JARID2: variants seen among roughly 807,000 people sequenced by gnomAD.
JARID2 encodes the protein protein Jumonji.
In JARID2, 21 loss-of-function variants were observed where a neutral mutation model predicts 125.6. The ratio of observed to expected loss-of-function variants is 0.17; its 90% CI spans 0.12 to 0.24. JARID2 has a LOEUF of 0.24. Ranked by LOEUF, JARID2 falls within the 10% of genes least tolerant of loss-of-function variation. JARID2 has a pLI of 1.00. For missense variants in JARID2, 1,303 were observed against 1,639.6 expected, an observed-to-expected ratio of 0.79 and a Z score of 3.55; for synonymous variants, 736 against 661.6, an observed-to-expected ratio of 1.11 and a Z score of -1.73.
intron 1 of JARID2, among the ~76,000 whole-genome samples, chr6:15,320,852 C>CTCTCTGTG (rs541608020): frequency 1.4e-5 from 2 of 145,314 alleles, no homozygotes; most frequent in South Asian, 2.2e-4. Flanking sequence ...CTCTCTCTCT[C>CTCTCTGTG]TGTGTGTGTG....
chr6:15,386,821 G>A (rs1764806184), intron 2 of JARID2, among the ~76,000 whole-genome samples: 1 of 152,218 alleles, frequency 6.6e-6, no homozygotes. Context: ...AGTGGCTTAT[G>A]TAGGCACAGT....
At chr6:15,280,258 C>G (rs775549140) in intron 1 of JARID2, among the ~76,000 whole-genome samples, 2 of 152,106 alleles carry the variant, frequency 1.3e-5, no homozygotes, top group African/African-American at 2.4e-5. Context: ...TGTTGGCTCT[C>G]TTTCAGATGT....
chr6:15,454,069 A>G (rs1768042282), intron 4 of JARID2, among the ~76,000 whole-genome samples: 2 of 152,200 alleles, frequency 1.3e-5, no homozygotes, highest in Non-Finnish European at 2.9e-5. Context: ...ATTTCAATTT[A>G]ACACTAAGGG....
At chr6:15,342,665 A>G (rs1016216598) in intron 1 of JARID2, among the ~76,000 whole-genome samples, 2 of 152,246 alleles carry the variant, frequency 1.3e-5, no homozygotes, top group South Asian at 2.1e-4. Flanking sequence ...ATTAAGTTCT[A>G]TTAACTTTTC....
At chr6:15,251,452 A>C (rs969807258) in intron 1 of JARID2, among the ~76,000 whole-genome samples, 1 of 152,196 alleles carries the variant, frequency 6.6e-6, no homozygotes, top group Non-Finnish European at 1.5e-5. Context: ...CCAGGATTAC[A>C]GTAGTAGCAG....
chr6:15,339,061 A>G (rs1762978541), intron 1 of JARID2, among the ~76,000 whole-genome samples: 1 of 152,158 alleles, frequency 6.6e-6, no homozygotes, highest in African/African-American at 2.4e-5. Context: ...GGGGGCAAAC[A>G]TTATCCAACT....
intron 1 of JARID2, among the ~76,000 whole-genome samples, chr6:15,283,909 A>G (rs28505073): frequency 0.038 from 5,700 of 148,970 alleles, 150 homozygotes; most frequent in South Asian, 0.1. Flanking sequence ...GGGTTTCACC[A>G]TGTTAGCCAG....
At chr6:15,368,180 G>A (rs978183041) in intron 1 of JARID2, among the ~76,000 whole-genome samples, 1 of 152,028 alleles carries the variant, frequency 6.6e-6, no homozygotes, top group African/African-American at 2.4e-5. Context: ...AATACAACTT[G>A]GTTATATTAT....
At chr6:15,456,324 T>C (rs1483974080) in intron 4 of JARID2, among the ~76,000 whole-genome samples, 2 of 152,172 alleles carry the variant, frequency 1.3e-5, no homozygotes, top group African/African-American at 4.8e-5. Context: ...CAGAAGAGAA[T>C]CATCTTTTCA....
intron 3 of JARID2, among the ~76,000 whole-genome samples, chr6:15,436,865 A>G (rs1767228542): frequency 6.6e-6 from 1 of 151,806 alleles, no homozygotes; most frequent in African/African-American, 2.4e-5. Context: ...TTCAGTTATA[A>G]TGAGTTCAGT....
At chr6:15,291,745 G>T (rs1023699580) in intron 1 of JARID2, among the ~76,000 whole-genome samples, 1 of 152,168 alleles carries the variant, frequency 6.6e-6, no homozygotes, top group Admixed American at 6.5e-5. Context: ...ATGGAGAAAA[G>T]AAGTTAATCC....
rs184952275 is a variant in JARID2, at chr6:15,407,687, C to G, written c.182-2537C>G. Among the ~76,000 whole-genome samples, 449 of 152,248 alleles carry G rather than the reference C, an allele frequency of 2.9e-3. 1 individual carries two copies. Among genetic ancestry groups the G allele is most frequent in the Non-Finnish European group, 5.3e-3 (363 of 68,018 alleles). ...GTGTTTTTAGGCTTACTGCAAATCCCAACTTTCTTGTTCTTGTTTTGGTAT... is the reference window on the plus strand; with the variant it reads ...GTGTTTTTAGGCTTACTGCAAATCCGAACTTTCTTGTTCTTGTTTTGGTAT... On this transcript the variant is annotated intron_variant, in intron 2 of 17. Coordinates refer to ENST00000341776, the MANE Select transcript of JARID2 (RefSeq NM_004973.4).
At chr6:15,498,387 C>T (rs534279330) in intron 7 of JARID2, among the ~76,000 whole-genome samples, 97 of 152,290 alleles carry the variant, frequency 6.4e-4, no homozygotes, top group Non-Finnish European at 1.1e-3. Context: ...GGCAGATCCT[C>T]CTCTTGGGTT....
In JARID2 at chr6:15,469,260, TTCTCTCTG is replaced by T. The variant is rs1212117801; in HGVS notation, c.670+564_670+571del. Among the ~76,000 whole-genome samples, 329 of 139,610 alleles carry T rather than the reference TTCTCTCTG, an allele frequency of 2.4e-3. 2 individuals carry two copies. The highest frequency in any genetic ancestry group is 3.1e-3 in the Non-Finnish European group (203 of 64,478). The allele number at this position is 139,610 out of a possible 152,430, so 91.6% of individuals were successfully genotyped here. On this transcript the variant is annotated intron_variant, in intron 5 of 17. Transcript: ENST00000341776. ...GCTATAGAAAGTGCCTAGTGGTCTT[TTCTCTCTG>T]TCTCTCTGTCTCTCTGTCTCTGTCT... is the stretch of plus-strand genomic sequence containing the variant.
rs1759178212 is a variant in JARID2, at chr6:15,246,181, G to A, written c.-359G>A. The stretch of plus-strand genomic sequence containing the variant: ...ATGTAACTACGGATCAGACACTAAG[G>A]ACCTTCACGTTTCGCTGATGTAGTT... On this transcript the variant is annotated 5_prime_UTR_variant, in exon 1 of 18. Coordinates refer to ENST00000341776, the MANE Select transcript of JARID2 (RefSeq NM_004973.4). 3 of 462,156 alleles carry A rather than the reference G, an allele frequency of 6.5e-6. No individual in the cohort carries two copies. The East Asian group carries it at 1.0e-4, about 16-fold the overall frequency. 28.6% of individuals were successfully genotyped at this position (462,156 alleles called of 1,614,324 possible).
Position 15,410,169 on chromosome 6 carries a change from G to A in JARID2, c.182-55G>A, listed in dbSNP as rs1165643276. On this transcript the variant is annotated intron_variant, in intron 2 of 17. Coordinates refer to ENST00000341776, the MANE Select transcript of JARID2 (RefSeq NM_004973.4). ...GTTGTGTAGGGTTAACTGTGGTAAAGTGCTGCCTCCTGATGTGATGTATTT... is the reference window on the plus strand; with the variant it reads ...GTTGTGTAGGGTTAACTGTGGTAAAATGCTGCCTCCTGATGTGATGTATTT... 3.9e-6 allele frequency: 6 copies of A among 1,546,282 alleles called. No homozygotes were observed. In the African/African-American group the frequency reaches 4.1e-5, roughly 11 times the overall value.
At position 15,286,321 on chromosome 6, in the gene JARID2, C is replaced by T. The variant is rs542953496; in HGVS notation, c.45+39737C>T. Among the ~76,000 whole-genome samples, 57 of 148,072 alleles carry T rather than the reference C, an allele frequency of 3.8e-4. 1 individual carries two copies. The highest frequency in any genetic ancestry group is 1.2e-3 in the African/African-American group (46 of 39,820). ...GAGTTGGAGTGCAGTGGTGTGATCT[C>T]GGCTCACTGCAACCTCTGCTTCCCG... On this transcript the variant is annotated intron_variant, in intron 1 of 17. Transcript: ENST00000341776.
intron 1 of JARID2, among the ~76,000 whole-genome samples, chr6:15,334,743 G>T (rs183623385): frequency 2.6e-5 from 4 of 152,088 alleles, no homozygotes; most frequent in Admixed American, 6.6e-5. Flanking sequence ...GATACAGAAG[G>T]CCTTTTGAAA....
chr6:15,326,781 G>A (rs573837847), intron 1 of JARID2, among the ~76,000 whole-genome samples: 8 of 152,234 alleles, frequency 5.3e-5, no homozygotes, highest in East Asian at 3.8e-4. Context: ...GATAATAGGC[G>A]TCAGCCACCA....
Sources: allele counts gnomAD v4.1 joint callset (sites outside exome capture counted in the v4.1 genomes callset), GRCh38; gene constraint gnomAD v4.1.1; transcripts MANE v1.5; gene names NCBI Gene and HGNC (gene_info 2026-07-23, HGNC 2026-07-21).